The following NPAS3 variants were observed in gnomAD, a reference collection of about 807,000 sequenced individuals.
The protein encoded by NPAS3 is neuronal PAS domain protein 3, also known as neuronal PAS domain-containing protein 3.
Under a neutral mutation model 73.1 loss-of-function variants are expected in NPAS3, and 14 were observed. That is an observed-to-expected ratio of 0.19 (90% CI 0.13 to 0.30). The LOEUF (loss-of-function observed/expected upper bound fraction) is 0.30, where lower values mean the gene tolerates loss of function less well. Ranked by LOEUF, NPAS3 falls within the 10% of genes least tolerant of loss-of-function variation. The pLI is 1.00. For missense variants in NPAS3, 1,096 were observed against 1,250.0 expected (o/e 0.88, Z 1.86); for synonymous variants, 620 against 541.5 (o/e 1.14, Z -2.01).
chr14:33,754,528 T>G (rs1221769423), intron 7 of NPAS3, among the ~76,000 whole-genome samples: 1 of 152,130 alleles, frequency 6.6e-6, no homozygotes, highest in African/African-American at 2.4e-5. Flanking sequence ...TCTATGGCGG[T>G]AGCATGGTCA....
chr14:33,713,718 C>A (rs2060884043), intron 6 of NPAS3, among the ~76,000 whole-genome samples: 1 of 152,238 alleles, frequency 6.6e-6, no homozygotes, highest in Non-Finnish European at 1.5e-5. Flanking sequence ...CCTTTAGTCT[C>A]ACACAAGAGC....
chr14:33,273,182 C>T (rs75298303), intron 3 of NPAS3, among the ~76,000 whole-genome samples: 3 of 152,082 alleles, frequency 2.0e-5, no homozygotes, highest in Non-Finnish European at 2.9e-5. Flanking sequence ...CTGACTCCCC[C>T]GCTCTTCCCC....
In NPAS3 at chr14:33,044,920, G is replaced by A. The variant is rs141304426; in HGVS notation, c.51-10985G>A. 2.5e-4 allele frequency among the ~76,000 whole-genome samples: 38 copies of A among 152,246 alleles called. 1 individual carries two copies. In the East Asian group the frequency reaches 6.9e-3, roughly 28 times the overall value. ...CCTCAGGTGAGTGGCCCAGTTGAAGGTGGCTCTGTTCCACAGGTTCCTTCA... is the reference window on the plus strand; with the variant it reads ...CCTCAGGTGAGTGGCCCAGTTGAAGATGGCTCTGTTCCACAGGTTCCTTCA... On this transcript the variant is annotated intron_variant, in intron 1 of 11. Coordinates refer to ENST00000356141, the Ensembl canonical transcript of NPAS3.
chr14:33,165,231 A>G (rs2045081855), intron 2 of NPAS3, among the ~76,000 whole-genome samples: 1 of 151,988 alleles, frequency 6.6e-6, no homozygotes, highest in Non-Finnish European at 1.5e-5. Flanking sequence ...ATTCACAAAC[A>G]ACCTTTCGAT....
At chr14:33,191,708 A>AAATTATTCT (rs2046177003) in intron 2 of NPAS3, among the ~76,000 whole-genome samples, 1 of 152,244 alleles carries the variant, frequency 6.6e-6, no homozygotes, top group South Asian at 2.1e-4. Context: ...TACTGAATTA[A>AAATTATTCT]AATTATTCTT....
At position 33,800,940 on chromosome 14, in the gene NPAS3, G is replaced by C; in HGVS notation, c.2633G>C (p.Arg878Pro). Residue 878 changes from arginine (R) to proline (P), a missense_variant, in exon 12 of 12, where the codon CGG becomes CCG. Coordinates refer to ENST00000356141, the Ensembl canonical transcript of NPAS3. The surrounding 1 kb of genome is among the most constrained non-coding windows in gnomAD (Gnocchi z 6.5). The stretch of plus-strand genomic sequence containing the variant: ...GAGATGCTCTACCACCACGTGCACC[G>C]GCTCAACATGTCAGGACCGTTCGGC... 6.2e-7 allele frequency: 1 copy of C among 1,606,862 alleles called. No individual in the cohort carries two copies. The highest frequency in any genetic ancestry group is 1.7e-4 in the Middle Eastern group (1 of 6,054).
At chr14:33,594,828 A>G (rs1238092616) in intron 5 of NPAS3, among the ~76,000 whole-genome samples, 3 of 152,206 alleles carry the variant, frequency 2.0e-5, no homozygotes, top group Admixed American at 2.0e-4. Context: ...TTAGTGGATG[A>G]AAGTCATCCC....
At chr14:33,248,489 AAGTATGAGTGTAAAAAT>A (rs146654658) in intron 3 of NPAS3, among the ~76,000 whole-genome samples, 4,176 of 152,236 alleles carry the variant, frequency 0.027, 97 homozygotes, top group South Asian at 0.048. Context: ...TGCATGGTTA[AAGTATGAGTGTAAAAAT>A]AGTAGATTTT....
chr14:33,203,043 A>G (rs1269733358), intron 2 of NPAS3, among the ~76,000 whole-genome samples: 3 of 152,262 alleles, frequency 2.0e-5, no homozygotes, highest in African/African-American at 7.2e-5. Context: ...TTTCTTAGAC[A>G]TTACATTACA....
intron 2 of NPAS3, among the ~76,000 whole-genome samples, chr14:33,205,114 A>G (rs142487700): frequency 1.1e-4 from 16 of 152,256 alleles, no homozygotes; most frequent in African/African-American, 3.6e-4. Flanking sequence ...AGAAATAAAC[A>G]ATCTTAATAT....
intron 9 of NPAS3, among the ~76,000 whole-genome samples, chr14:33,779,140 C>T (rs2062906406): frequency 6.6e-6 from 1 of 152,198 alleles, no homozygotes; most frequent in South Asian, 2.1e-4. Context: ...TATCTCCATC[C>T]CCCAACTCCT....
chr14:33,475,761 C>T (rs2139657449), intron 4 of NPAS3, among the ~76,000 whole-genome samples: 1 of 152,138 alleles, frequency 6.6e-6, no homozygotes. Context: ...ATGCTGTGGG[C>T]CTTTGTGAAT....
chr14:33,516,720 G>A (rs1306850349), intron 4 of NPAS3, among the ~76,000 whole-genome samples: 1 of 152,060 alleles, frequency 6.6e-6, no homozygotes. Flanking sequence ...AGGACCTGGT[G>A]AGCTCTCAAT....
intron 6 of NPAS3, among the ~76,000 whole-genome samples, chr14:33,718,990 T>C (rs2061031533): frequency 6.6e-6 from 1 of 152,036 alleles, no homozygotes; most frequent in African/African-American, 2.4e-5. Flanking sequence ...TAGCCAGGTG[T>C]GGTGGTGTGC....
rs564267191 is a variant in NPAS3, at chr14:33,352,341, G to A, written c.386-14845G>A. Among the ~76,000 whole-genome samples the A allele has an allele frequency of 1.1e-4, 17 of 152,218 alleles. No homozygotes were observed. In the South Asian group the frequency reaches 2.5e-3, roughly 22 times the overall value. ...ACTTTGGTGACTTTCTTTAATCTTC[G>A]TCGTCAAAAGCATCTTGTCAGCACT... On this transcript the variant is annotated intron_variant, in intron 3 of 11. Transcript: ENST00000356141.
intron 9 of NPAS3, among the ~76,000 whole-genome samples, chr14:33,787,228 A>G (rs1390483275): frequency 1.3e-5 from 2 of 152,150 alleles, no homozygotes; most frequent in East Asian, 1.9e-4. Flanking sequence ...TTGTCCTAGA[A>G]CACTAACAGT....
At chr14:33,060,551 T>C (rs192889206) in intron 2 of NPAS3, among the ~76,000 whole-genome samples, 161 of 152,360 alleles carry the variant, frequency 1.1e-3, no homozygotes, top group African/African-American at 3.8e-3. Context: ...GAAGAGGCCA[T>C]TGGCAAAATT....
chr14:33,772,387 G>T (rs551266595), intron 7 of NPAS3, among the ~76,000 whole-genome samples: 5 of 152,300 alleles, frequency 3.3e-5, no homozygotes, highest in African/African-American at 1.2e-4. Context: ...GATGGCCACA[G>T]GCAAAGCTGG....
At chr14:33,048,723 C>T (rs1351997661) in intron 1 of NPAS3, among the ~76,000 whole-genome samples, 1 of 152,216 alleles carries the variant, frequency 6.6e-6, no homozygotes, top group East Asian at 1.9e-4. Context: ...ATAGAGGTCA[C>T]AGTGGTAAAT....
Sources: allele counts gnomAD v4.1 joint callset (sites outside exome capture counted in the v4.1 genomes callset), GRCh38; gene constraint gnomAD v4.1.1; non-coding constraint Gnocchi (gnomAD v3.1); transcripts MANE v1.5; gene names NCBI Gene and HGNC (gene_info 2026-07-23, HGNC 2026-07-21).